Variants in CACNA1C observed in about 807,000 individuals in gnomAD.
The protein encoded by CACNA1C is calcium voltage-gated channel subunit alpha1 C.
In CACNA1C, 30 loss-of-function variants were observed where a neutral mutation model predicts 229.0. The ratio of observed to expected loss-of-function variants is 0.13; its 90% CI spans 0.10 to 0.18. The LOEUF is 0.18. CACNA1C is among the 10% of genes least tolerant of loss of function. The probability of loss-of-function intolerance (pLI) is 1.00; values close to 1 mark genes in which losing one functional copy is unlikely to be tolerated. For synonymous variants in CACNA1C, 1,114 were observed against 1,132.5 expected (o/e 0.98, Z 0.33); for missense variants, 1,658 against 2,845.0 (o/e 0.58, Z 9.49).
At chr12:2,203,114 C>T (rs530163735) in intron 3 of CACNA1C, among the ~76,000 whole-genome samples, 1 of 152,154 alleles carries the variant, frequency 6.6e-6, no homozygotes, top group Non-Finnish European at 1.5e-5. Flanking sequence ...CATACCCTGT[C>T]TATAGTGAAA....
Position 2,605,669 on chromosome 12 carries a change from C to T in CACNA1C, c.3049-10C>T, listed in dbSNP as rs186741807. ...AGCCACGTCCCTCTCCCCGTCCCTT[C>T]CCACTGCAGCATGTGGTTCAGTGTG... is the stretch of plus-strand genomic sequence containing the variant. On this transcript the variant is annotated splice_polypyrimidine_tract_variant and intron_variant, in intron 23 of 46. Coordinates refer to ENST00000399655, the MANE Select transcript of CACNA1C (RefSeq NM_000719.7). This position sits in a 1 kb window ranked among gnomAD's most constrained non-coding sequence, Gnocchi z 6.2. The T allele has an allele frequency of 7.5e-4, 1,198 of 1,606,636 alleles. 3 individuals carry two copies. The Middle Eastern group carries it at 0.011, about 15-fold the overall frequency.
At position 2,654,995 on chromosome 12, in the gene CACNA1C, G is replaced by T. The variant is rs1214803762; in HGVS notation, c.4141-152G>T. On this transcript the variant is annotated intron_variant, in intron 33 of 46. Coordinates refer to ENST00000399655, the MANE Select transcript of CACNA1C (RefSeq NM_000719.7). This position sits in a 1 kb window ranked among gnomAD's most constrained non-coding sequence, Gnocchi z 4.4. ...GCTCAGGGGCTGGGTGGGGCAGCAG[G>T]TGCCTGCCAGGTTGCATGGGAAGAC... 6.6e-6 allele frequency among the ~76,000 whole-genome samples: 1 copy of T among 152,142 alleles called. No homozygotes were observed. Among genetic ancestry groups the T allele is most frequent in the African/African-American group, 2.4e-5 (1 of 41,416 alleles).
chr12:2,684,216 G>A (rs1299193224), intron 43 of CACNA1C, among the ~76,000 whole-genome samples: 4 of 152,144 alleles, frequency 2.6e-5, no homozygotes, highest in Admixed American at 6.5e-5. Context: ...AAGAAGAATC[G>A]AGTGAGTAAG....
At chr12:2,189,523 G>A (rs1235035848) in intron 3 of CACNA1C, among the ~76,000 whole-genome samples, 1 of 152,184 alleles carries the variant, frequency 6.6e-6, no homozygotes, top group Admixed American at 6.5e-5. Flanking sequence ...CTGCCTGTGT[G>A]GGGACTGAAG....
intron 13 of CACNA1C, among the ~76,000 whole-genome samples, chr12:2,572,488 CT>C: frequency 1.0e-5 from 1 of 96,160 alleles, no homozygotes; most frequent in African/African-American, 4.1e-5. Context: ...CCTCTTCCTC[CT>C]CCTCCTCCTC....
intron 1 of CACNA1C, among the ~76,000 whole-genome samples, chr12:2,088,067 A>T (rs2068438924): frequency 6.6e-6 from 1 of 152,252 alleles, no homozygotes; most frequent in Non-Finnish European, 1.5e-5. Context: ...TGGGAACAGG[A>T]TGAATTTTCA....
chr12:2,277,025 A>C (rs2088561502), intron 3 of CACNA1C, among the ~76,000 whole-genome samples: 1 of 152,166 alleles, frequency 6.6e-6, no homozygotes, highest in Non-Finnish European at 1.5e-5. Context: ...AAAGTCACAA[A>C]AAAGATGATG....
chr12:2,645,509 C>T (rs914797200), intron 30 of CACNA1C, among the ~76,000 whole-genome samples: 1 of 152,178 alleles, frequency 6.6e-6, no homozygotes, highest in Non-Finnish European at 1.5e-5. Flanking sequence ...TCCTGGGATA[C>T]CACAGATGTC....
chr12:2,213,848 G>A (rs943774291), intron 3 of CACNA1C, among the ~76,000 whole-genome samples: 11 of 152,174 alleles, frequency 7.2e-5, no homozygotes, highest in African/African-American at 2.2e-4. Context: ...CCCTCCTCCC[G>A]CAGTCCATCC....
In CACNA1C at chr12:2,633,753, C is replaced by T; in HGVS notation, c.3829-544C>T. 9.7e-7 allele frequency: 1 copy of T among 1,028,160 alleles called. No homozygotes were observed. The highest frequency in any genetic ancestry group is 1.5e-6 in the Non-Finnish European group (1 of 647,426). The allele number at this position is 1,028,160 out of a possible 1,614,324, so 63.7% of individuals were successfully genotyped here. A position where few individuals can be genotyped will look rare whatever the true frequency, so the allele number is the denominator to read the frequency against. On this transcript the variant is annotated intron_variant, in intron 29 of 46. Coordinates refer to ENST00000399655, the MANE Select transcript of CACNA1C (RefSeq NM_000719.7). This position sits in a 1 kb window ranked among gnomAD's most constrained non-coding sequence, Gnocchi z 5.8. ...CCCTCCCCAGGAAACCTCCTCATTC[C>T]TCCTCCTCTGCCTCGTCTATTTCTC...
At chr12:2,463,462 G>T (rs2099529456) in intron 5 of CACNA1C, among the ~76,000 whole-genome samples, 1 of 152,178 alleles carries the variant, frequency 6.6e-6, no homozygotes. Flanking sequence ...TCATAAAAAT[G>T]ATTATATAAA....
intron 15 of CACNA1C, 106 bp from the exon 16 acceptor site, chr12:2,584,397 C>G (rs999291939): frequency 1.4e-6 from 1 of 737,524 alleles, no homozygotes; most frequent in Non-Finnish European, 2.4e-6. Context: ...CCCTCAAGCT[C>G]TCTCTGCTGA....
At chr12:2,385,721 G>A (rs796354908) in intron 3 of CACNA1C, among the ~76,000 whole-genome samples, 2 of 152,264 alleles carry the variant, frequency 1.3e-5, no homozygotes, top group Admixed American at 6.5e-5. Flanking sequence ...GGCCTCAGTG[G>A]CCCCTAGGAT....
chr12:2,065,143 T>C (rs1477532462), intron 1 of CACNA1C, among the ~76,000 whole-genome samples: 2 of 152,258 alleles, frequency 1.3e-5, no homozygotes, highest in Non-Finnish European at 2.9e-5. Context: ...GAAGCTTCTG[T>C]TGCCATATCT....
intron 3 of CACNA1C, among the ~76,000 whole-genome samples, chr12:2,253,489 G>A (rs1205921643): frequency 6.6e-6 from 1 of 152,194 alleles, no homozygotes; most frequent in African/African-American, 2.4e-5. Flanking sequence ...TGGGTACAGT[G>A]GAGGCCAAAC....
chr12:2,610,779 G>A, intron 28 of CACNA1C, 80 bp downstream of exon 28: 3 of 1,396,912 alleles, frequency 2.1e-6, no homozygotes, highest in Non-Finnish European at 2.0e-6. Context: ...GGAGCGGCAG[G>A]CAGCTCAGTG....
At chr12:2,599,109 GATTTCAATGGT>G (rs1471822324) in intron 21 of CACNA1C, among the ~76,000 whole-genome samples, 1 of 152,226 alleles carries the variant, frequency 6.6e-6, no homozygotes, top group Non-Finnish European at 1.5e-5. Context: ...TGCCCTTGTG[GATTTCAATGGT>G]GCTATTTCTC....
chr12:1,986,591 G>A (rs911806834), intron 1 of CACNA1C, among the ~76,000 whole-genome samples: 16 of 152,200 alleles, frequency 1.1e-4, no homozygotes, highest in Middle Eastern at 3.4e-3. Flanking sequence ...TCACGGTAGG[G>A]GTAGAAGAGT....
chr12:2,161,695 C>T (rs766623636), intron 3 of CACNA1C, among the ~76,000 whole-genome samples: 2 of 152,166 alleles, frequency 1.3e-5, no homozygotes, highest in South Asian at 2.1e-4. Context: ...ACAGGATGTG[C>T]GAGAATGCTG....
Sources: gnomAD v4.1 joint callset for allele counts (sites outside exome capture counted in the v4.1 genomes callset) on GRCh38, gnomAD v4.1.1 for gene constraint, Gnocchi (gnomAD v3.1) non-coding constraint, MANE v1.5 for transcripts, NCBI Gene and HGNC (gene_info 2026-07-23, HGNC 2026-07-21) for gene names.